The following RAB11FIP3 variants were observed in gnomAD, a reference collection of about 807,000 sequenced individuals.
RAB11FIP3 encodes the protein rab11 family-interacting protein 3.
RAB11FIP3 carries 17 observed loss-of-function variants against 77.8 expected under a neutral mutation model. That is an observed-to-expected ratio of 0.22 (90% confidence interval 0.15 to 0.33). The LOEUF is 0.33. Ranked by LOEUF, RAB11FIP3 falls within the 10% of genes least tolerant of loss-of-function variation. The pLI is 1.00. For synonymous variants in RAB11FIP3, 437 were observed against 448.2 expected, an observed-to-expected ratio of 0.98 and a Z score of 0.31; for missense variants, 1,005 against 1,011.2, an observed-to-expected ratio of 0.99 and a Z score of 0.08.
In RAB11FIP3 at chr16:426,458, G is replaced by T. The variant is rs774024206; in HGVS notation, c.452G>T (p.Ser151Ile). ...TTCCGCTTGCAGGGGTCCAGCAGCA[G>T]CCACCGAGCGCGGGGCGAGGTCGAC... ...APFRLQGSSS[S>I]HRARGEVDVF... Residue 151 changes from serine (S) to isoleucine (I), a missense_variant, in exon 1 of 14, where the codon AGC becomes ATC. By Grantham distance (142) the Ser-to-Ile change is moderately radical. Transcript: ENST00000262305. The surrounding 1 kb of genome is among the most constrained non-coding windows in gnomAD (Gnocchi z 5.0). 6.3e-7 allele frequency: 1 copy of T among 1,583,020 alleles called. No homozygotes were observed. Among genetic ancestry groups the T allele is most frequent in the South Asian group, 1.1e-5 (1 of 87,140 alleles).
At chr16:441,734 C>T (rs928887928) in intron 1 of RAB11FIP3, among the ~76,000 whole-genome samples, 1 of 152,176 alleles carries the variant, frequency 6.6e-6, no homozygotes, top group African/African-American at 2.4e-5. Context: ...AGGCACCCTT[C>T]CTTCTGTGAC....
At chr16:456,327 C>G (rs2055502764) in intron 1 of RAB11FIP3, among the ~76,000 whole-genome samples, 1 of 151,786 alleles carries the variant, frequency 6.6e-6, no homozygotes, top group Non-Finnish European at 1.5e-5. Flanking sequence ...GCACACACAG[C>G]TACTTGGGAG....
chr16:426,528 G>A lies in RAB11FIP3; in HGVS notation c.522G>A (p.Leu174=). The A allele has an allele frequency of 6.4e-7, 1 of 1,562,012 alleles. No homozygotes were observed. Among genetic ancestry groups the A allele is most frequent in the East Asian group, 2.4e-5 (1 of 41,970 alleles). ...FPAPTAGELA[L]EQGPGSPPQP... The stretch of plus-strand genomic sequence containing the variant: ...CGCCCACGGCGGGCGAGCTGGCGCT[G>A]GAGCAAGGTCCCGGGTCCCCGCCGC... The change falls in exon 1 of 14, where the codon CTG becomes CTA. Residue 174 remains leucine, a synonymous_variant. Coordinates refer to ENST00000262305, the MANE Select transcript of RAB11FIP3 (RefSeq NM_014700.4). This position sits in a 1 kb window ranked among gnomAD's most constrained non-coding sequence, Gnocchi z 5.0.
At chr16:450,763 C>T (rs1008799510) in intron 1 of RAB11FIP3, among the ~76,000 whole-genome samples, 10 of 152,144 alleles carry the variant, frequency 6.6e-5, no homozygotes, top group African/African-American at 9.7e-5. Context: ...CCAGCTGGCT[C>T]GCATTCTAGA....
chr16:434,930 G>T (rs572743109), intron 1 of RAB11FIP3, among the ~76,000 whole-genome samples: 24 of 152,050 alleles, frequency 1.6e-4, no homozygotes, highest in African/African-American at 5.1e-4. Flanking sequence ...ATTAGACCAG[G>T]CGCGGTGGCT....
At chr16:427,225 T>C (rs1221338741) in intron 1 of RAB11FIP3, among the ~76,000 whole-genome samples, 1 of 152,268 alleles carries the variant, frequency 6.6e-6, no homozygotes, top group Non-Finnish European at 1.5e-5. Context: ...CTGTGTGTGG[T>C]TGACATCTTT....
chr16:454,664 G>A (rs1246082665), intron 1 of RAB11FIP3, among the ~76,000 whole-genome samples: 1 of 152,186 alleles, frequency 6.6e-6, no homozygotes, highest in East Asian at 1.9e-4. Flanking sequence ...CAAGGTCCCT[G>A]AGGCTAATGT....
chr16:458,620 AT>A (rs1555500873), intron 1 of RAB11FIP3, among the ~76,000 whole-genome samples: 70 of 151,844 alleles, frequency 4.6e-4, no homozygotes, highest in South Asian at 6.2e-4. Context: ...ACCGATGCTC[AT>A]CTGCCGTAAC....
At chr16:482,801 A>T in intron 4 of RAB11FIP3, 65 bp downstream of exon 4, 2 of 1,490,602 alleles carry the variant, frequency 1.3e-6, no homozygotes, top group African/African-American at 2.8e-5. Context: ...GAGGTGTCTG[A>T]TGGGCAGACT....
chr16:478,057 C>T (rs1035130358), intron 3 of RAB11FIP3, among the ~76,000 whole-genome samples: 12 of 152,238 alleles, frequency 7.9e-5, no homozygotes, highest in Admixed American at 1.3e-4. Context: ...AAAGATGGAA[C>T]TGCGGCCTCC....
At chr16:490,050 C>G (rs925123369) in intron 5 of RAB11FIP3, among the ~76,000 whole-genome samples, 14 of 152,244 alleles carry the variant, frequency 9.2e-5, no homozygotes, top group Non-Finnish European at 4.4e-5. Context: ...ACTTGGGTCT[C>G]TGTGCTTGGT....
chr16:489,078 C>T (rs752323636), intron 5 of RAB11FIP3, 78 bp downstream of exon 5: 11 of 1,444,690 alleles, frequency 7.6e-6, no homozygotes, highest in Admixed American at 4.6e-5. Flanking sequence ...CTTTTTGGTT[C>T]GTGCATTGGT....
Position 510,726 on chromosome 16 carries a change from G to C in RAB11FIP3, c.1566G>C (p.Glu522Asp). 1 of 1,613,252 alleles carries C rather than the reference G, an allele frequency of 6.2e-7. No individual in the cohort carries two copies. The highest frequency in any genetic ancestry group is 2.2e-5 in the East Asian group (1 of 44,872). ...GAGCCTGCGAGATGGTCCTGGAAGA[G>C]ACCCGGCGTCAGAAGGAGCTCCTGT... ...ELRACEMVLE[E>D]TRRQKELLCK... Residue 522 changes from glutamate (E) to aspartate (D), a missense_variant, in exon 9 of 14, where the codon GAG (glutamate) becomes GAC (aspartate). Transcript: ENST00000262305.
At chr16:483,726 G>T (rs907770740) in intron 4 of RAB11FIP3, among the ~76,000 whole-genome samples, 1 of 152,014 alleles carries the variant, frequency 6.6e-6, no homozygotes, top group Admixed American at 6.6e-5. Flanking sequence ...TGTGAGGTCT[G>T]CTGCCTGCTG....
intron 1 of RAB11FIP3, among the ~76,000 whole-genome samples, chr16:431,051 A>AGT (rs1419606907): frequency 6.6e-6 from 1 of 151,910 alleles, no homozygotes; most frequent in Admixed American, 6.6e-5. Context: ...TTTGAGTGAA[A>AGT]GTGTGTGTGA....
At chr16:458,472 TG>T (rs2055541874) in intron 1 of RAB11FIP3, among the ~76,000 whole-genome samples, 1 of 142,286 alleles carries the variant, frequency 7.0e-6, no homozygotes, top group African/African-American at 2.7e-5. Flanking sequence ...CCACAGGGCC[TG>T]GGGGGCCTTC....
rs927092499 is a variant in RAB11FIP3 at position 520,880 on chromosome 16, C to A, written c.*41C>A. ...GCCTGAGCTGGATTCGGGACTCCAA[C>A]ACCCTGGAGTGGTTCCGTCAGACCA... is the stretch of plus-strand genomic sequence containing the variant. On this transcript the variant is annotated 3_prime_UTR_variant, in exon 14 of 14. Coordinates refer to ENST00000262305, the MANE Select transcript of RAB11FIP3 (RefSeq NM_014700.4). 1.3e-6 allele frequency: 2 copies of A among 1,507,902 alleles called. No homozygotes were observed. The highest frequency in any genetic ancestry group is 1.4e-5 in the African/African-American group (1 of 72,732). 93.4% of individuals were successfully genotyped at this position (1,507,902 alleles called of 1,614,324 possible).
intron 4 of RAB11FIP3, among the ~76,000 whole-genome samples, chr16:488,461 T>G (rs1057494332): frequency 6.6e-6 from 1 of 151,650 alleles, no homozygotes; most frequent in South Asian, 2.1e-4. Context: ...CAGGCTGGAG[T>G]GTAGTGGCAT....
chr16:470,245 G>A (rs1053648057), intron 2 of RAB11FIP3, among the ~76,000 whole-genome samples: 1 of 152,056 alleles, frequency 6.6e-6, no homozygotes, highest in African/African-American at 2.4e-5. Context: ...TGATCCTCCT[G>A]CCTCAGCCTG....
Sources: gnomAD v4.1 joint callset for allele counts (sites outside exome capture counted in the v4.1 genomes callset) on GRCh38, gnomAD v4.1.1 for gene constraint, Gnocchi (gnomAD v3.1) non-coding constraint, MANE v1.5 for transcripts, NCBI Gene and HGNC (gene_info 2026-07-23, HGNC 2026-07-21) for gene names.